CEP63: variants seen among roughly 807,000 people sequenced by gnomAD.
CEP63 encodes centrosomal protein 63.
A neutral mutation model predicts 89.1 loss-of-function variants in CEP63; 84 were observed. The observed-to-expected ratio is 0.94, with a 90% confidence interval of 0.79 to 1.13. The LOEUF is 1.13. Ranked by LOEUF, CEP63 falls within the 50% of genes most tolerant of loss-of-function variation. The pLI, the probability that CEP63 is intolerant of heterozygous loss-of-function variation, is 0.00. For missense variants in CEP63, 838 were observed against 813.3 expected (o/e 1.03, Z -0.37); for synonymous variants, 267 against 272.5 (o/e 0.98, Z 0.20).
At chr3:134,512,584 C>T (rs1159742165) in intron 3 of CEP63, among the ~76,000 whole-genome samples, 1 of 152,148 alleles carries the variant, frequency 6.6e-6, no homozygotes, top group Non-Finnish European at 1.5e-5. Context: ...TCTTCCCCAC[C>T]CCTCTGAACC....
At chr3:134,633,233 T>C in the CEP63 span, among the ~76,000 whole-genome samples, 1 of 152,078 alleles carries the variant, frequency 6.6e-6, no homozygotes, top group East Asian at 1.9e-4. Context: ...AGAAGAGAAG[T>C]GAATGCTTCA....
chr3:134,729,633 A>G, the CEP63 span, among the ~76,000 whole-genome samples: 1 of 152,226 alleles, frequency 6.6e-6, no homozygotes, highest in African/African-American at 2.4e-5. Flanking sequence ...GGTTTCTTAT[A>G]GAATAAGGTC....
At chr3:134,626,871 C>T in the CEP63 span, among the ~76,000 whole-genome samples, 3 of 152,186 alleles carry the variant, frequency 2.0e-5, no homozygotes, top group Admixed American at 6.5e-5. Context: ...CCCTGCTGAG[C>T]CTTGCCTCTT....
At chr3:134,603,466 G>T in the CEP63 span, 1 of 941,722 alleles carries the variant, frequency 1.1e-6, no homozygotes. Context: ...CAGAGGCCTA[G>T]AAGGGATTTC....
At chr3:134,561,136 A>G (rs1393556681) in intron 14 of CEP63, among the ~76,000 whole-genome samples, 2 of 152,248 alleles carry the variant, frequency 1.3e-5, no homozygotes, top group Non-Finnish European at 2.9e-5. Flanking sequence ...AATAACTAAT[A>G]TATGATACTT....
At position 134,561,283 on chromosome 3, in the gene CEP63, T is replaced by C. The variant is rs531186130; in HGVS notation, c.1954-94T>C. The C allele has an allele frequency of 2.3e-5, 30 of 1,284,950 alleles. No homozygotes were observed. In the South Asian group the frequency reaches 3.3e-4, roughly 14 times the overall value. 79.6% of individuals were successfully genotyped at this position (1,284,950 alleles called of 1,614,324 possible). ...ATCTTCAGAGGAAAAAAATCACCTT[T>C]TAATATTGCTAGTTAGAAAATGTCA... On this transcript the variant is annotated intron_variant, in intron 14 of 14. Transcript: ENST00000675561.
the CEP63 span, among the ~76,000 whole-genome samples, chr3:134,686,858 C>T: frequency 1.3e-5 from 2 of 152,160 alleles, no homozygotes; most frequent in African/African-American, 4.8e-5. Flanking sequence ...GGATAACTTG[C>T]CTGACTGCAC....
the CEP63 span, among the ~76,000 whole-genome samples, chr3:134,715,469 A>G: frequency 2.6e-5 from 4 of 151,472 alleles, no homozygotes; most frequent in African/African-American, 9.7e-5. Context: ...GCACTTGCAC[A>G]TGCAGGGATG....
intron 11 of CEP63, among the ~76,000 whole-genome samples, chr3:134,572,778 G>A (rs1958065740): frequency 6.6e-6 from 1 of 152,134 alleles, no homozygotes; most frequent in South Asian, 2.1e-4. Flanking sequence ...ACCTAGTAAT[G>A]GAATTGCTGG....
the CEP63 span, among the ~76,000 whole-genome samples, chr3:134,593,881 C>T: frequency 6.6e-6 from 1 of 152,134 alleles, no homozygotes; most frequent in African/African-American, 2.4e-5. Flanking sequence ...CTGTGTTGCT[C>T]CTGGGAGATG....
At chr3:134,497,606 G>A (rs1052985964) in intron 2 of CEP63, among the ~76,000 whole-genome samples, 2 of 152,116 alleles carry the variant, frequency 1.3e-5, no homozygotes, top group African/African-American at 4.8e-5. Flanking sequence ...CTGGCCTCAA[G>A]TGATCCTCCT....
At chr3:134,775,856 A>G in the CEP63 span, among the ~76,000 whole-genome samples, 1 of 152,106 alleles carries the variant, frequency 6.6e-6, no homozygotes, top group African/African-American at 2.4e-5. Flanking sequence ...TCTTCTTTTC[A>G]GCCGTCTCAT....
chr3:134,647,172 A>G, the CEP63 span, among the ~76,000 whole-genome samples: 2 of 152,162 alleles, frequency 1.3e-5, no homozygotes, highest in African/African-American at 4.8e-5. Context: ...GTCCTCCCCT[A>G]CGGCTCAGCC....
the CEP63 span, among the ~76,000 whole-genome samples, chr3:134,776,474 G>A: frequency 1.3e-5 from 2 of 152,000 alleles, no homozygotes; most frequent in East Asian, 1.9e-4. Context: ...ATTTGGACCC[G>A]CTACATATCA....
downstream of CEP63, among the ~76,000 whole-genome samples, chr3:134,565,791 AT>A (rs1276013046): frequency 4.1e-4 from 63 of 151,996 alleles, no homozygotes; most frequent in African/African-American, 1.4e-3. Context: ...AAAAAAAAAA[AT>A]CATAGACTTA....
chr3:134,651,190 T>G, the CEP63 span: 2 of 1,358,240 alleles, frequency 1.5e-6, no homozygotes, highest in South Asian at 3.0e-5. Flanking sequence ...AAGTCACCTT[T>G]GAAAGGAAAT....
chr3:134,739,144 A>G, the CEP63 span, among the ~76,000 whole-genome samples: 7 of 152,180 alleles, frequency 4.6e-5, no homozygotes, highest in African/African-American at 1.7e-4. Context: ...CTAGGTATAT[A>G]CCCTAAATAA....
the CEP63 span, among the ~76,000 whole-genome samples, chr3:134,690,083 T>G: frequency 6.6e-6 from 1 of 152,194 alleles, no homozygotes; most frequent in Non-Finnish European, 1.5e-5. Context: ...CAATGCATAG[T>G]TTTCTCGTGA....
chr3:134,549,105 C>G lies in CEP63; in HGVS notation c.1111C>G (p.Leu371Val). ...SATCKQLSQE[L>V]MEKYEELKRM... Reference sequence around the variant, plus strand: ...AACGTGTAAACAGCTGAGCCAAGAACTAATGGAAAAATATGAAGAACTGAA... The same window carrying G: ...AACGTGTAAACAGCTGAGCCAAGAAGTAATGGAAAAATATGAAGAACTGAA... The change falls in exon 10 of 15, where the codon CTA becomes GTA. Residue 371 changes from leucine (L) to valine (V), a missense_variant. Leu to Val is a conservative substitution (Grantham distance 32, BLOSUM62 1). Transcript: ENST00000675561. The G allele has an allele frequency of 6.2e-7, 1 of 1,613,392 alleles. No homozygotes were observed. The highest frequency in any genetic ancestry group is 8.5e-7 in the Non-Finnish European group (1 of 1,179,552).
Sources: allele counts gnomAD v4.1 joint callset (sites outside exome capture counted in the v4.1 genomes callset), GRCh38; gene constraint gnomAD v4.1.1; transcripts MANE v1.5; gene names NCBI Gene and HGNC (gene_info 2026-07-23, HGNC 2026-07-21).